Variants in CTXND1 observed in about 807,000 individuals in gnomAD.
CTXND1 encodes the protein cortexin domain-containing 1 protein.
chr15:80,220,138 CTATCTATCATCTATCTATCT>C (rs1377882061), intron 1 of CTXND1, among the ~76,000 whole-genome samples: 8 of 125,030 alleles, frequency 6.4e-5, no homozygotes, highest in South Asian at 2.7e-4. Context: ...ATCTATCTAT[CTATCTATCATCTATCTATCT>C]ATCTATCTAT....
intron 1 of CTXND1, among the ~76,000 whole-genome samples, chr15:80,210,036 C>G (rs1179165438): frequency 1.3e-5 from 2 of 152,170 alleles, no homozygotes; most frequent in African/African-American, 4.8e-5. Context: ...AGATTAGAAA[C>G]CTACTCAATG....
intron 1 of CTXND1, among the ~76,000 whole-genome samples, chr15:80,204,184 A>T: frequency 2.0e-5 from 1 of 50,716 alleles, no homozygotes; most frequent in Admixed American, 1.8e-4. Flanking sequence ...ATATATATAT[A>T]TATATATATA....
At chr15:80,234,913 G>C (rs1397892393) in intron 1 of CTXND1, among the ~76,000 whole-genome samples, 28 of 152,286 alleles carry the variant, frequency 1.8e-4, no homozygotes, top group Admixed American at 1.8e-3. Context: ...CCTGCTTTTG[G>C]GGAATGGCCT....
intron 1 of CTXND1, among the ~76,000 whole-genome samples, chr15:80,227,466 TC>T (rs1452624215): frequency 6.6e-6 from 1 of 152,176 alleles, no homozygotes; most frequent in African/African-American, 2.4e-5. Flanking sequence ...CAAGTAGACA[TC>T]CGGCTATATA....
chr15:80,246,849 C>T (rs1033453048), intron 1 of CTXND1, among the ~76,000 whole-genome samples: 1 of 152,130 alleles, frequency 6.6e-6, no homozygotes, highest in Admixed American at 6.5e-5. Context: ...TTACAATGAG[C>T]CTTACAGTTG....
chr15:80,221,640 T>C (rs921846622), intron 1 of CTXND1, among the ~76,000 whole-genome samples: 1 of 152,212 alleles, frequency 6.6e-6, no homozygotes, highest in Admixed American at 6.5e-5. Flanking sequence ...AATCCCTTTG[T>C]CCTACTTTTA....
At chr15:80,214,860 T>C (rs1893235546) in intron 1 of CTXND1, among the ~76,000 whole-genome samples, 1 of 152,178 alleles carries the variant, frequency 6.6e-6, no homozygotes, top group Non-Finnish European at 1.5e-5. Flanking sequence ...AGTTTGAACC[T>C]GGGCAAACTT....
rs1027398221 is a variant in CTXND1, at chr15:80,221,201, G to A, written c.-217-17461C>T. On this transcript the variant is annotated intron_variant, in intron 1 of 2. Coordinates refer to ENST00000560778, the MANE Select transcript of CTXND1 (RefSeq NM_001352888.2). ...TGGGATTACAGGCGTGAGCCACCAC[G>A]CCCAGCCTCTATTATTAATTTATTT... Among the ~76,000 whole-genome samples the A allele has an allele frequency of 7.9e-5, 12 of 152,062 alleles. No individual in the cohort carries two copies. The South Asian group carries it at 1.2e-3, about 16-fold the overall frequency.
chr15:80,202,118 C>T (rs67670467), intron 2 of CTXND1, 104 bp from the exon 3 acceptor site: 131,162 of 393,566 alleles, frequency 0.33, 22,362 homozygotes, highest in African/African-American at 0.43. Flanking sequence ...ACCCCTGCAC[C>T]GAGAGCTTGC....
At chr15:80,229,796 T>A (rs1017714897) in intron 1 of CTXND1, among the ~76,000 whole-genome samples, 6 of 152,204 alleles carry the variant, frequency 3.9e-5, no homozygotes, top group African/African-American at 1.4e-4. Context: ...AGGGAGAAGG[T>A]TAGCTGCACA....
At chr15:80,237,553 T>C (rs1267370287) in intron 1 of CTXND1, among the ~76,000 whole-genome samples, 1 of 152,098 alleles carries the variant, frequency 6.6e-6, no homozygotes, top group African/African-American at 2.4e-5. Context: ...TGTGATTGTT[T>C]GTGTCTTAGT....
intron 1 of CTXND1, among the ~76,000 whole-genome samples, chr15:80,242,635 C>G (rs1893583555): frequency 1.3e-5 from 2 of 152,224 alleles, no homozygotes; most frequent in South Asian, 2.1e-4. Context: ...TATGTTTGGG[C>G]TGCAGACTGG....
intron 1 of CTXND1, among the ~76,000 whole-genome samples, chr15:80,241,410 C>T (rs1157277775): frequency 6.6e-6 from 1 of 152,152 alleles, no homozygotes; most frequent in Non-Finnish European, 1.5e-5. Flanking sequence ...ACAGACCTTT[C>T]TATGTCGAGA....
rs2041417461 is a variant in CTXND1 at position 80,195,829 on chromosome 15, A to G, written c.*5941T>C. 1 of 152,180 alleles carries G rather than the reference A, an allele frequency of 6.6e-6. No homozygotes were observed. The highest frequency in any genetic ancestry group is 1.5e-5 in the Non-Finnish European group (1 of 68,038). The allele number at this position is 152,180 out of a possible 1,614,324, so 9.4% of individuals were successfully genotyped here. A position where few individuals can be genotyped will look rare whatever the true frequency, so the allele number is the denominator to read the frequency against. ...AGCATATCCCACAAACATGGCCTTT[A>G]ACCAAGAAACCTTAGGTTTTGTGGG... On this transcript the variant is annotated 3_prime_UTR_variant, in exon 3 of 3. Coordinates refer to ENST00000560778, the MANE Select transcript of CTXND1 (RefSeq NM_001352888.2).
chr15:80,234,712 A>T (rs1893473013), intron 1 of CTXND1, among the ~76,000 whole-genome samples: 1 of 152,178 alleles, frequency 6.6e-6, no homozygotes, highest in Non-Finnish European at 1.5e-5. Context: ...TCCTGACCAC[A>T]GGTGATCTGC....
At chr15:80,239,328 G>A (rs1893538749) in intron 1 of CTXND1, among the ~76,000 whole-genome samples, 3 of 152,188 alleles carry the variant, frequency 2.0e-5, no homozygotes, top group Admixed American at 2.0e-4. Flanking sequence ...TTAATACTGA[G>A]TGTCAACTTG....
intron 1 of CTXND1, among the ~76,000 whole-genome samples, chr15:80,236,470 A>T (rs930857768): frequency 6.6e-6 from 1 of 152,212 alleles, no homozygotes; most frequent in Non-Finnish European, 1.5e-5. Context: ...TCCATCAACC[A>T]TAGTGGTCCC....
chr15:80,238,385 C>T (rs938476886), intron 1 of CTXND1, among the ~76,000 whole-genome samples: 2 of 151,876 alleles, frequency 1.3e-5, no homozygotes, highest in African/African-American at 4.8e-5. Flanking sequence ...GTCATGATTT[C>T]GATCTTTTAT....
intron 1 of CTXND1, among the ~76,000 whole-genome samples, chr15:80,204,080 T>C (rs762787280): frequency 2.2e-5 from 3 of 135,802 alleles, no homozygotes; most frequent in Non-Finnish European, 4.6e-5. Flanking sequence ...AGAGAGTCAC[T>C]TGAACCCAGG....
Sources: allele counts gnomAD v4.1 joint callset (sites outside exome capture counted in the v4.1 genomes callset), GRCh38; gene constraint gnomAD v4.1.1; transcripts MANE v1.5; gene names NCBI Gene and HGNC (gene_info 2026-07-23, HGNC 2026-07-21).